The following SMCO4 variants were observed in gnomAD, a reference collection of about 807,000 sequenced individuals.
The protein encoded by SMCO4 is single-pass membrane protein with coiled-coil domains 4.
In SMCO4, 4 loss-of-function variants were observed where a neutral mutation model predicts 3.6. The observed-to-expected ratio is 1.11, with a 90% CI of 0.54 to 2.53. The LOEUF (loss-of-function observed/expected upper bound fraction) is 2.53, where lower values mean the gene tolerates loss of function less well. Among genes scored for constraint, SMCO4 ranks in the 30% most tolerant of loss-of-function variants. The probability of loss-of-function intolerance (pLI) is 0.02; values close to 1 mark genes in which losing one functional copy is unlikely to be tolerated. For missense variants in SMCO4, 70 were observed against 80.8 expected, an observed-to-expected ratio of 0.87 and a Z score of 0.51; for synonymous variants, 36 against 35.3, an observed-to-expected ratio of 1.02 and a Z score of -0.07.
intron 1 of SMCO4, among the ~76,000 whole-genome samples, chr11:93,534,182 C>A (rs1949190028): frequency 7.0e-6 from 1 of 143,516 alleles, no homozygotes; most frequent in Non-Finnish European, 1.5e-5. Context: ...CAAAATGAGA[C>A]TCCGTCTCAA....
the SMCO4 span, among the ~76,000 whole-genome samples, chr11:93,549,294 C>A: frequency 5.9e-5 from 9 of 152,234 alleles, no homozygotes; most frequent in African/African-American, 1.9e-4. Context: ...AAGCAATTCA[C>A]CCCAAGCCTG....
At position 93,490,142 on chromosome 11, in the gene SMCO4, T is replaced by C. The variant is rs1270510542; in HGVS notation, c.-81+9134A>G. 2.0e-5 allele frequency among the ~76,000 whole-genome samples: 3 copies of C among 152,212 alleles called. No homozygotes were observed. In the East Asian group the frequency reaches 5.8e-4, roughly 29 times the overall value. ...GGTGCTCACAACCAGCTTCTCTCAC[T>C]GAAGGTGGAGTAAGGAAAAAGGAGG... On this transcript the variant is annotated intron_variant, in intron 2 of 2. Coordinates refer to ENST00000298966, the MANE Select transcript of SMCO4 (RefSeq NM_020179.3).
intron 2 of SMCO4, among the ~76,000 whole-genome samples, chr11:93,489,504 G>GC (rs1468350246): frequency 2.0e-5 from 3 of 152,204 alleles, no homozygotes; most frequent in Admixed American, 2.0e-4. Context: ...CCAGCTTGGG[G>GC]CCCACTGCAG....
intron 2 of SMCO4, among the ~76,000 whole-genome samples, chr11:93,497,571 T>A (rs900769353): frequency 6.6e-6 from 1 of 151,660 alleles, no homozygotes; most frequent in African/African-American, 2.4e-5. Flanking sequence ...CTCCCCTCCC[T>A]CAAAGGAACA....
intron 2 of SMCO4, among the ~76,000 whole-genome samples, chr11:93,486,719 A>G (rs1948654553): frequency 6.6e-6 from 1 of 152,118 alleles, no homozygotes; most frequent in South Asian, 2.1e-4. Flanking sequence ...CCTGCCGAGA[A>G]GAGCTTGACC....
At chr11:93,503,740 T>C (rs1948871504) in intron 1 of SMCO4, among the ~76,000 whole-genome samples, 1 of 151,756 alleles carries the variant, frequency 6.6e-6, no homozygotes, top group Non-Finnish European at 1.5e-5. Flanking sequence ...GAGCAAGGAG[T>C]GGAACAGATT....
chr11:93,539,207 T>C (rs1352623435), intron 1 of SMCO4, among the ~76,000 whole-genome samples: 2 of 151,958 alleles, frequency 1.3e-5, no homozygotes, highest in African/African-American at 4.8e-5. Context: ...TCCAGGGTCC[T>C]CTCTCTTTCC....
At chr11:93,498,068 T>C (rs1333360338) in intron 2 of SMCO4, among the ~76,000 whole-genome samples, 1 of 152,158 alleles carries the variant, frequency 6.6e-6, no homozygotes, top group African/African-American at 2.4e-5. Context: ...AATTTCTTAA[T>C]TGATAACAGG....
chr11:93,486,105 T>C (rs1371312028), intron 2 of SMCO4, among the ~76,000 whole-genome samples: 1 of 152,218 alleles, frequency 6.6e-6, no homozygotes, highest in Non-Finnish European at 1.5e-5. Flanking sequence ...CAGCTACTGC[T>C]TCCTGAATGC....
At chr11:93,480,719 T>C (rs1054655957) in intron 2 of SMCO4, among the ~76,000 whole-genome samples, 8 of 152,180 alleles carry the variant, frequency 5.3e-5, no homozygotes, top group African/African-American at 1.7e-4. Context: ...CCTGTCATCA[T>C]CTTGAGGAGG....
chr11:93,540,657 C>T (rs1247226827), intron 1 of SMCO4, among the ~76,000 whole-genome samples: 5 of 152,298 alleles, frequency 3.3e-5, no homozygotes, highest in South Asian at 2.1e-4. Flanking sequence ...CAGAGTCGTG[C>T]CATCTCTTGG....
At chr11:93,534,285 TACAC>T (rs1216676086) in intron 1 of SMCO4, among the ~76,000 whole-genome samples, 30 of 145,546 alleles carry the variant, frequency 2.1e-4, no homozygotes, top group Non-Finnish European at 3.3e-4. Context: ...TATACATATA[TACAC>T]ACACACATAT....
At chr11:93,553,004 C>CAGTGGCCA in the SMCO4 span, among the ~76,000 whole-genome samples, 2 of 152,182 alleles carry the variant, frequency 1.3e-5, no homozygotes, top group African/African-American at 4.8e-5. Flanking sequence ...GTGACCAGAA[C>CAGTGGCCA]GTCAAAGGCC....
At chr11:93,551,370 C>A in the SMCO4 span, among the ~76,000 whole-genome samples, 1 of 151,988 alleles carries the variant, frequency 6.6e-6, no homozygotes, top group Non-Finnish European at 1.5e-5. Context: ...TCCTCCTCAC[C>A]CAAGGCTTCT....
At chr11:93,552,804 T>C in the SMCO4 span, among the ~76,000 whole-genome samples, 1 of 151,972 alleles carries the variant, frequency 6.6e-6, no homozygotes, top group Non-Finnish European at 1.5e-5. Context: ...CTTTGTTTTC[T>C]CTTTTGCCTA....
At chr11:93,541,985 A>G (rs1949274547) in intron 1 of SMCO4, among the ~76,000 whole-genome samples, 1 of 152,198 alleles carries the variant, frequency 6.6e-6, no homozygotes, top group Non-Finnish European at 1.5e-5. Context: ...ATCCAAGGTC[A>G]AACTTCTTGC....
intron 1 of SMCO4, among the ~76,000 whole-genome samples, chr11:93,502,248 C>G (rs1265005467): frequency 3.9e-5 from 6 of 152,152 alleles, no homozygotes; most frequent in Non-Finnish European, 8.8e-5. Context: ...CATTTGAGAA[C>G]AGAAGCAAAA....
At chr11:93,484,230 T>C (rs961256143) in intron 2 of SMCO4, among the ~76,000 whole-genome samples, 1 of 152,206 alleles carries the variant, frequency 6.6e-6, no homozygotes, top group Non-Finnish European at 1.5e-5. Context: ...CAGGGACGCA[T>C]TCTTCAGCAC....
chr11:93,506,645 G>C (rs1260970101), intron 1 of SMCO4, among the ~76,000 whole-genome samples: 1 of 152,038 alleles, frequency 6.6e-6, no homozygotes, highest in African/African-American at 2.4e-5. Flanking sequence ...GTTTCACCAT[G>C]TTAGCCAGGA....
Sources: allele counts gnomAD v4.1 joint callset (sites outside exome capture counted in the v4.1 genomes callset), GRCh38; gene constraint gnomAD v4.1.1; transcripts MANE v1.5; gene names NCBI Gene and HGNC (gene_info 2026-07-23, HGNC 2026-07-21).